KCNMB2: variants seen among roughly 807,000 people sequenced by gnomAD.
KCNMB2 encodes the protein calcium-activated potassium channel subunit beta-2.
A neutral mutation model predicts 24.5 loss-of-function variants in KCNMB2; 9 were observed. That is an observed-to-expected ratio of 0.37 (90% CI 0.22 to 0.64). The LOEUF (loss-of-function observed/expected upper bound fraction) is 0.64, where lower values mean the gene tolerates loss of function less well. KCNMB2 is among the 30% of genes least tolerant of loss of function. The probability of loss-of-function intolerance (pLI) is 0.63; values close to 1 mark genes in which losing one functional copy is unlikely to be tolerated. For synonymous variants in KCNMB2, 109 were observed against 104.4 expected, an observed-to-expected ratio of 1.04 and a Z score of -0.27; for missense variants, 226 against 284.3, an observed-to-expected ratio of 0.79 and a Z score of 1.47.
intron 1 of KCNMB2, chr3:178,757,198 C>T (rs998635569): frequency 7.9e-6 from 1 of 126,608 alleles, no homozygotes; most frequent in African/African-American, 2.8e-5. Flanking sequence ...AAAAAAAAAA[C>T]AGTTACAATC....
At chr3:178,735,412 A>T (rs1723284045) in intron 1 of KCNMB2, among the ~76,000 whole-genome samples, 1 of 152,244 alleles carries the variant, frequency 6.6e-6, no homozygotes, top group Non-Finnish European at 1.5e-5. Flanking sequence ...TCTACCTATA[A>T]ATAGAGCAGA....
At chr3:178,818,297 CATGTGCAGG>C (rs1714487015) in intron 2 of KCNMB2, among the ~76,000 whole-genome samples, 1 of 152,252 alleles carries the variant, frequency 6.6e-6, no homozygotes, top group African/African-American at 2.4e-5. Flanking sequence ...TTCTGGGGTA[CATGTGCAGG>C]ATGTGCAGGT....
At chr3:178,640,736 G>T (rs1303990020) in intron 1 of KCNMB2, among the ~76,000 whole-genome samples, 1 of 152,140 alleles carries the variant, frequency 6.6e-6, no homozygotes, top group Non-Finnish European at 1.5e-5. Flanking sequence ...CTCATAGATT[G>T]TGCTTTGGGG....
intron 1 of KCNMB2, among the ~76,000 whole-genome samples, chr3:178,550,896 C>G (rs1715931029): frequency 6.6e-6 from 1 of 151,960 alleles, no homozygotes; most frequent in Admixed American, 6.6e-5. Context: ...ATAAATGACT[C>G]CTGTTTTTAT....
At chr3:178,812,178 G>C (rs1490824058) in intron 2 of KCNMB2, among the ~76,000 whole-genome samples, 3 of 151,910 alleles carry the variant, frequency 2.0e-5, no homozygotes, top group Non-Finnish European at 4.4e-5. Flanking sequence ...CTCCCAGTTT[G>C]TGGTTTGGCT....
chr3:178,677,984 C>G (rs935446941), intron 1 of KCNMB2, among the ~76,000 whole-genome samples: 21 of 152,144 alleles, frequency 1.4e-4, no homozygotes, highest in African/African-American at 5.1e-4. Flanking sequence ...CTGTATAGGT[C>G]AAAAGATAAA....
At chr3:178,712,296 C>A (rs769888830) in intron 1 of KCNMB2, among the ~76,000 whole-genome samples, 11 of 152,150 alleles carry the variant, frequency 7.2e-5, no homozygotes, top group Non-Finnish European at 1.3e-4. Flanking sequence ...TAGAAATTTA[C>A]CTGTTATTTT....
At chr3:178,782,841 G>C (rs1712924555) in intron 1 of KCNMB2, among the ~76,000 whole-genome samples, 1 of 151,558 alleles carries the variant, frequency 6.6e-6, no homozygotes, top group Non-Finnish European at 1.5e-5. Context: ...ATTGCTTTTG[G>C]TGTTTTAGAC....
intron 1 of KCNMB2, among the ~76,000 whole-genome samples, chr3:178,592,108 A>G (rs61460757): frequency 2.9e-4 from 44 of 152,226 alleles, no homozygotes; most frequent in African/African-American, 9.9e-4. Flanking sequence ...TCTGTAGCAT[A>G]TATTGCTTTC....
chr3:178,666,289 T>G (rs1197082278), intron 1 of KCNMB2, among the ~76,000 whole-genome samples: 4 of 152,094 alleles, frequency 2.6e-5, no homozygotes, highest in Non-Finnish European at 5.9e-5. Flanking sequence ...GTGTCTAAAT[T>G]TTAAGGGCCA....
intron 1 of KCNMB2, among the ~76,000 whole-genome samples, chr3:178,638,803 G>C (rs1269655127): frequency 6.6e-6 from 1 of 152,144 alleles, no homozygotes; most frequent in East Asian, 1.9e-4. Context: ...GGCTGTTCTG[G>C]TACAGACTAC....
At chr3:178,577,617 C>T (rs142491017) in intron 1 of KCNMB2, among the ~76,000 whole-genome samples, 2 of 152,070 alleles carry the variant, frequency 1.3e-5, no homozygotes, top group African/African-American at 2.4e-5. Context: ...AAGCTAAGAA[C>T]CTTGAAAAAA....
intron 1 of KCNMB2, among the ~76,000 whole-genome samples, chr3:178,777,464 A>G (rs1712630755): frequency 6.6e-6 from 1 of 152,176 alleles, no homozygotes; most frequent in African/African-American, 2.4e-5. Context: ...TGTTGGCAAG[A>G]CATTACATGG....
At chr3:178,663,712 G>A (rs994571107) in intron 1 of KCNMB2, among the ~76,000 whole-genome samples, 1 of 152,122 alleles carries the variant, frequency 6.6e-6, no homozygotes, top group African/African-American at 2.4e-5. Flanking sequence ...AAAGACAACA[G>A]TATTACCTCA....
At chr3:178,568,816 TAATAGATAGATAGATGATA>T (rs200512176) in intron 1 of KCNMB2, among the ~76,000 whole-genome samples, 16 of 49,054 alleles carry the variant, frequency 3.3e-4, no homozygotes, top group African/African-American at 1.0e-3. Flanking sequence ...GATAGATAGA[TAATAGATAGATAGATGATA>T]GATAGATAGA....
intron 1 of KCNMB2, among the ~76,000 whole-genome samples, chr3:178,540,870 T>C (rs2108446190): frequency 6.6e-6 from 1 of 152,374 alleles, no homozygotes; most frequent in South Asian, 2.1e-4. Flanking sequence ...TCTCCTCAGT[T>C]GTAAACTCTA....
At chr3:178,732,275 T>C (rs184721617) in intron 1 of KCNMB2, among the ~76,000 whole-genome samples, 1 of 152,216 alleles carries the variant, frequency 6.6e-6, no homozygotes, top group African/African-American at 2.4e-5. Context: ...CAGTAGGTTT[T>C]TATTATTTGC....
At chr3:178,568,769 TAGATGATAGATAGATA>T (rs1299121464) in intron 1 of KCNMB2, among the ~76,000 whole-genome samples, 3 of 127,648 alleles carry the variant, frequency 2.4e-5, no homozygotes, top group South Asian at 2.7e-4. Context: ...GATAGATAGA[TAGATGATAGATAGATA>T]GATAGATAGA....
intron 1 of KCNMB2, among the ~76,000 whole-genome samples, chr3:178,804,504 T>TGAG (rs1165314974): frequency 6.6e-6 from 1 of 152,208 alleles, no homozygotes; most frequent in East Asian, 1.9e-4. Flanking sequence ...TGGAATAAAC[T>TGAG]GAGGAGTCAC....
Sources: gnomAD v4.1 joint callset for allele counts (sites outside exome capture counted in the v4.1 genomes callset) on GRCh38, gnomAD v4.1.1 for gene constraint, MANE v1.5 for transcripts, NCBI Gene and HGNC (gene_info 2026-07-23, HGNC 2026-07-21) for gene names.